BMI1: variants seen among roughly 807,000 people sequenced by gnomAD.
The protein encoded by BMI1 is BMI1 proto-oncogene, polycomb ring finger.
A neutral mutation model predicts 39.1 loss-of-function variants in BMI1; 9 were observed. The observed-to-expected ratio is 0.23, with a 90% CI of 0.14 to 0.40. BMI1 has a LOEUF of 0.40. BMI1 is among the 10% of genes least tolerant of loss of function. The pLI is 1.00. For synonymous variants in BMI1, 131 were observed against 127.9 expected, an observed-to-expected ratio of 1.02 and a Z score of -0.16; for missense variants, 252 against 390.8, an observed-to-expected ratio of 0.64 and a Z score of 2.99.
At position 22,328,065 on chromosome 10, in the gene BMI1, T is replaced by C. The variant is rs779940296; in HGVS notation, c.425+7T>C. Reference sequence around the variant, plus strand: ...AATTCTTTGACCAGAACAGGTAAAATCTTTAGGCAATTTATTTTATGCTAA... The same window carrying C: ...AATTCTTTGACCAGAACAGGTAAAACCTTTAGGCAATTTATTTTATGCTAA... On this transcript the variant is annotated splice_region_variant and intron_variant, in intron 6 of 9. Transcript: ENST00000376663. The C allele has an allele frequency of 2.5e-6, 4 of 1,597,406 alleles. No homozygotes were observed. In the South Asian group the frequency reaches 4.6e-5, roughly 18 times the overall value.
intron 2 of BMI1, 66 bp downstream of exon 2, chr10:22,326,627 A>G: frequency 1.3e-6 from 2 of 1,576,330 alleles, no homozygotes; most frequent in South Asian, 1.2e-5. Flanking sequence ...GGAATTTGAA[A>G]ACTGTTAATG....
intron 1 of BMI1, among the ~76,000 whole-genome samples, chr10:22,322,893 G>A (rs1294371313): frequency 6.6e-6 from 1 of 152,220 alleles, no homozygotes; most frequent in African/African-American, 2.4e-5. Context: ...ATAATTGGAA[G>A]TAAACAAGTA....
In BMI1 at chr10:22,327,955, A is replaced by G. The variant is rs760224972; in HGVS notation, c.322A>G (p.Asn108Asp). 1 of 1,598,404 alleles carries G rather than the reference A, an allele frequency of 6.3e-7. No homozygotes were observed. The highest frequency in any genetic ancestry group is 8.5e-7 in the Non-Finnish European group (1 of 1,175,818). ...YAAHPSADAA[N>D]GSNEDRGEVA... ...ATTTCACTATATCGTTATAGCTGCC[A>G]ATGGCTCTAATGAAGATAGAGGAGA... The change falls in exon 6 of 10, where the codon AAT becomes GAT. Residue 108 changes from asparagine (N) to aspartate (D), a missense_variant. Physicochemically the swap from Asn to Asp is conservative, Grantham distance 23. Coordinates refer to ENST00000376663, the MANE Select transcript of BMI1 (RefSeq NM_005180.9).
At position 22,329,367 on chromosome 10, in the gene BMI1, C is replaced by T. The variant is rs753450025; in HGVS notation, c.806C>T (p.Ser269Phe). The change falls in exon 10 of 10, where the codon TCT becomes TTT. Residue 269 changes from serine to phenylalanine, a missense_variant. Physicochemically the swap from Ser to Phe is radical, Grantham distance 155 (BLOSUM62 -2). Coordinates refer to ENST00000376663, the MANE Select transcript of BMI1 (RefSeq NM_005180.9). ...NSPAGGIPSTSSCLPSPSTPV... is the reference protein window; with the variant it reads ...NSPAGGIPSTFSCLPSPSTPV... ...CCAGCAGGAGGTATTCCCTCCACCTCTTCTTGTTTGCCTAGCCCCAGTACT... is the reference window on the plus strand; with the variant it reads ...CCAGCAGGAGGTATTCCCTCCACCTTTTCTTGTTTGCCTAGCCCCAGTACT... The T allele has an allele frequency of 1.2e-6, 2 of 1,614,074 alleles. No homozygotes were observed. Among genetic ancestry groups the T allele is most frequent in the African/African-American group, 2.7e-5 (2 of 74,910 alleles).
At chr10:22,328,951 A>C in intron 8 of BMI1, 97 bp from the exon 9 acceptor site, 1 of 1,274,464 alleles carries the variant, frequency 7.8e-7, no homozygotes, top group East Asian at 2.4e-5. Flanking sequence ...TGTTTGGAGA[A>C]TATGTTTCTT....
At position 22,326,828 on chromosome 10, in the gene BMI1, A is replaced by G. The variant is rs1836165899; in HGVS notation, c.113-62A>G. ...TGTTTTCTACTAGTTCTGGGTTTCT[A>G]ACACCAATGATTTATCCACTCATTT... is the stretch of plus-strand genomic sequence containing the variant. On this transcript the variant is annotated intron_variant, in intron 2 of 9. Coordinates refer to ENST00000376663, the MANE Select transcript of BMI1 (RefSeq NM_005180.9). 5 of 1,583,634 alleles carry G rather than the reference A, an allele frequency of 3.2e-6. No homozygotes were observed. The South Asian group carries it at 3.4e-5, about 11-fold the overall frequency.
chr10:22,325,872 C>G (rs1450234810), intron 1 of BMI1: 2 of 152,174 alleles, frequency 1.3e-5, no homozygotes. Context: ...ACTGGAGGTG[C>G]TCCTCCTGCG....
At chr10:22,323,539 C>T (rs182641044) in intron 1 of BMI1, among the ~76,000 whole-genome samples, 82 of 152,336 alleles carry the variant, frequency 5.4e-4, no homozygotes, top group Admixed American at 4.8e-3. Flanking sequence ...AAATTAACCC[C>T]AACTTTACCC....
chr10:22,329,198 CT>C lies in BMI1; in HGVS notation c.652-11del. 1.2e-6 allele frequency: 2 copies of C among 1,609,152 alleles called. No individual in the cohort carries two copies. Among genetic ancestry groups the C allele is most frequent in the South Asian group, 2.2e-5 (2 of 90,052 alleles). Reference sequence around the variant, plus strand: ...TAAAGAATTAAGAGTAATTTTTTTCCTTTTAACTTTGTAGAATGGTCCACTT... The same window carrying C: ...TAAAGAATTAAGAGTAATTTTTTTCCTTTAACTTTGTAGAATGGTCCACTT... On this transcript the variant is annotated splice_polypyrimidine_tract_variant and intron_variant, in intron 9 of 9. Coordinates refer to ENST00000376663, the MANE Select transcript of BMI1 (RefSeq NM_005180.9).
intron 1 of BMI1, among the ~76,000 whole-genome samples, chr10:22,321,911 GCGCCCGCCGC>G (rs937804729): frequency 6.9e-5 from 10 of 144,124 alleles, no homozygotes; most frequent in Non-Finnish European, 1.1e-4. Context: ...CCGCGAGCGC[GCGCCCGCCGC>G]CGCCCGCCGA....
At chr10:22,322,570 C>T (rs949876104) in intron 1 of BMI1, among the ~76,000 whole-genome samples, 9 of 152,108 alleles carry the variant, frequency 5.9e-5, no homozygotes, top group Non-Finnish European at 1.2e-4. Context: ...AAATTTGGAG[C>T]TTTTTGTGGA....
At position 22,327,102 on chromosome 10, in the gene BMI1, G is replaced by T. The variant is rs1836172563; in HGVS notation, c.209+116G>T. On this transcript the variant is annotated intron_variant, in intron 3 of 9. Transcript: ENST00000376663. ...TTACTCTTGAATACATAACTAATAT[G>T]TGTGTGCTTTGTGGAGGGTAGCCGT... The T allele has an allele frequency of 5.9e-6, 7 of 1,187,986 alleles. No homozygotes were observed. In the Admixed American group the frequency reaches 1.1e-4, roughly 19 times the overall value. The allele number at this position is 1,187,986 out of a possible 1,614,324, so 73.6% of individuals were successfully genotyped here. A position where few individuals can be genotyped will look rare whatever the true frequency, so the allele number is the denominator to read the frequency against.
intron 7 of BMI1, among the ~76,000 whole-genome samples, chr10:22,328,397 A>G (rs1564350963): frequency 6.6e-6 from 1 of 152,128 alleles, no homozygotes; most frequent in African/African-American, 2.4e-5. Flanking sequence ...CACAGTTAAT[A>G]CTTTGGTATG....
chr10:22,324,560 A>G (rs1376371359), intron 1 of BMI1, among the ~76,000 whole-genome samples: 1 of 152,182 alleles, frequency 6.6e-6, no homozygotes, highest in East Asian at 1.9e-4. Flanking sequence ...CTTTCATAAG[A>G]GAGGCTTTGT....
rs1313025469 is a variant in BMI1 at position 22,327,629 on chromosome 10, T to C, written c.244T>C (p.Leu82=). ...AACTCTCCAAGATATTGTATACAAA[T>C]TAGTTCCAGGGCTTTTCAAAAGTGA... ...DKTLQDIVYK[L]VPGLFKNEMK... Residue 82 remains leucine (L), a synonymous_variant, in exon 4 of 10, where the codon TTA becomes CTA. Transcript: ENST00000376663. 6.2e-7 allele frequency: 1 copy of C among 1,612,500 alleles called. No homozygotes were observed. Among genetic ancestry groups the C allele is most frequent in the East Asian group, 2.2e-5 (1 of 44,752 alleles).
At position 22,326,442 on chromosome 10, in the gene BMI1, A is replaced by T. The variant is rs371061751; in HGVS notation, c.-8A>T. 6 of 1,612,612 alleles carry T rather than the reference A, an allele frequency of 3.7e-6. No individual in the cohort carries two copies. The African/African-American group carries it at 6.7e-5, about 18-fold the overall frequency. ...TCTGTGTCTTGCAGGATTTTTTATC[A>T]AGCAGAAATGCATCGAACAACGAGA... On this transcript the variant is annotated 5_prime_UTR_variant, in exon 2 of 10. Coordinates refer to ENST00000376663, the MANE Select transcript of BMI1 (RefSeq NM_005180.9).
chr10:22,321,184 GCGCCCCCCGCCCGCC>G lies in BMI1; in HGVS notation c.-527_-513del, dbSNP rs1457067183. 1 of 143,956 alleles carries G rather than the reference GCGCCCCCCGCCCGCC, an allele frequency of 6.9e-6. No individual in the cohort carries two copies. Among genetic ancestry groups the G allele is most frequent in the South Asian group, 2.4e-4 (1 of 4,230 alleles). The allele number at this position is 143,956 out of a possible 1,614,324, so 8.9% of individuals were successfully genotyped here. On this transcript the variant is annotated 5_prime_UTR_variant, in exon 1 of 10. Transcript: ENST00000376663. ...CCCCCCGCTCGCACGCACACACACG[GCGCCCCCCGCCCGCC>G]CGCCTCCCCCACAGCAACTATGAAA... is the stretch of plus-strand genomic sequence containing the variant.
At chr10:22,321,792 C>T (rs1302860401) in intron 1 of BMI1, 96 bp downstream of exon 1, 1 of 144,782 alleles carries the variant, frequency 6.9e-6, no homozygotes, top group African/African-American at 2.5e-5. Context: ...GAGCCCCCCC[C>T]GCGCCCCGGC....
At chr10:22,327,378 G>T (rs1036452340) in intron 3 of BMI1, among the ~76,000 whole-genome samples, 1 of 152,080 alleles carries the variant, frequency 6.6e-6, no homozygotes, top group Non-Finnish European at 1.5e-5. Flanking sequence ...CAAATGTGAA[G>T]AATTTATTAG....
Sources: gnomAD v4.1 joint callset for allele counts (sites outside exome capture counted in the v4.1 genomes callset) on GRCh38, gnomAD v4.1.1 for gene constraint, MANE v1.5 for transcripts, NCBI Gene and HGNC (gene_info 2026-07-23, HGNC 2026-07-21) for gene names.